The following PHACTR1 variants were observed in gnomAD, a reference collection of about 807,000 sequenced individuals.
PHACTR1 encodes the protein RPEL repeat containing 1.
In PHACTR1, 16 loss-of-function variants were observed where a neutral mutation model predicts 69.2. The ratio of observed to expected loss-of-function variants is 0.23; its 90% CI spans 0.16 to 0.35. The LOEUF is 0.35. PHACTR1 is among the 10% of genes least tolerant of loss of function. The pLI is 1.00. For synonymous variants in PHACTR1, 312 were observed against 284.5 expected (o/e 1.10, Z -0.97); for missense variants, 510 against 734.7 (o/e 0.69, Z 3.54).
At chr6:13,228,604 G>A (rs778786994) in intron 9 of PHACTR1, among the ~76,000 whole-genome samples, 1 of 152,178 alleles carries the variant, frequency 6.6e-6, no homozygotes, top group Non-Finnish European at 1.5e-5. Flanking sequence ...TTTTAGTTAC[G>A]TGAGTACAGC....
chr6:13,220,391 G>T (rs528580927), intron 8 of PHACTR1, among the ~76,000 whole-genome samples: 3 of 152,256 alleles, frequency 2.0e-5, no homozygotes, highest in African/African-American at 7.2e-5. Context: ...AAGGCCTTTG[G>T]TCTTTGTTTA....
rs962028827 is a variant in PHACTR1 at position 13,013,368 on chromosome 6, C to T, written c.251-39997C>T. Among the ~76,000 whole-genome samples, 4 of 152,218 alleles carry T rather than the reference C, an allele frequency of 2.6e-5. No homozygotes were observed. In the East Asian group the frequency reaches 5.8e-4, roughly 22 times the overall value. On this transcript the variant is annotated intron_variant, in intron 4 of 14. Coordinates refer to ENST00000332995, the MANE Select transcript of PHACTR1 (RefSeq NM_030948.6). ...GTCAAGGGCTACGGGTTGGACCCGC[C>T]GGAGAGGGTAATTTGCTGTGGCCCT... is the stretch of plus-strand genomic sequence containing the variant.
At chr6:12,973,751 C>T (rs1420792864) in intron 4 of PHACTR1, among the ~76,000 whole-genome samples, 22 of 152,110 alleles carry the variant, frequency 1.4e-4, no homozygotes, top group Non-Finnish European at 1.0e-4. Context: ...ATGAGACAGC[C>T]TTGACTGTTC....
intron 4 of PHACTR1, among the ~76,000 whole-genome samples, chr6:12,786,054 C>T (rs1561880974): frequency 6.6e-6 from 1 of 152,196 alleles, no homozygotes. Context: ...CGTTTTCTCC[C>T]TCTGCCCTTG....
intron 4 of PHACTR1, among the ~76,000 whole-genome samples, chr6:12,768,071 C>G (rs964551754): frequency 8.7e-5 from 13 of 149,772 alleles, no homozygotes; most frequent in Non-Finnish European, 1.6e-4. Flanking sequence ...AATAACATCT[C>G]TCTCTATGGG....
At chr6:13,045,223 C>T (rs758547777) in intron 4 of PHACTR1, among the ~76,000 whole-genome samples, 3 of 151,236 alleles carry the variant, frequency 2.0e-5, no homozygotes, top group Non-Finnish European at 4.4e-5. Context: ...TCAATTTCTC[C>T]AGCTCTAAAA....
intron 5 of PHACTR1, among the ~76,000 whole-genome samples, chr6:13,100,555 T>A (rs183384808): frequency 4.7e-4 from 71 of 152,286 alleles, no homozygotes; most frequent in Non-Finnish European, 8.7e-4. Flanking sequence ...CAGTTATTCC[T>A]CTCTTACCTT....
intron 5 of PHACTR1, among the ~76,000 whole-genome samples, chr6:13,064,604 ATCTATATATCTATC>A (rs1363922009): frequency 0.025 from 185 of 7,504 alleles, 39 homozygotes; most frequent in South Asian, 0.043. Context: ...ATATATATAT[ATCTATATATCTATC>A]TATCCACACT....
At chr6:12,891,518 C>G (rs1784171386) in intron 4 of PHACTR1, among the ~76,000 whole-genome samples, 1 of 152,164 alleles carries the variant, frequency 6.6e-6, no homozygotes, top group African/African-American at 2.4e-5. Context: ...TGACTCAAAG[C>G]CTCAAGATGG....
chr6:12,761,125 T>C lies in PHACTR1; in HGVS notation c.250+11335T>C, dbSNP rs114287035. Among the ~76,000 whole-genome samples, 338 of 152,356 alleles carry C rather than the reference T, an allele frequency of 2.2e-3. 1 individual carries two copies. The highest frequency in any genetic ancestry group is 7.8e-3 in the African/African-American group (326 of 41,588). On this transcript the variant is annotated intron_variant, in intron 4 of 14. Coordinates refer to ENST00000332995, the MANE Select transcript of PHACTR1 (RefSeq NM_030948.6). ...AACTTGTAACGTGTGGATAACACTT[T>C]CTGCCTAATTTTCATTGCTACTTTG...
chr6:13,189,843 T>C (rs1289762817), intron 7 of PHACTR1, among the ~76,000 whole-genome samples: 1 of 152,084 alleles, frequency 6.6e-6, no homozygotes, highest in Non-Finnish European at 1.5e-5. Context: ...AGAATGTAGA[T>C]TGGGTAGTTT....
intron 3 of PHACTR1, among the ~76,000 whole-genome samples, chr6:12,743,755 A>G (rs1200440669): frequency 6.6e-6 from 1 of 152,236 alleles, no homozygotes; most frequent in Non-Finnish European, 1.5e-5. Context: ...AACGAGACAG[A>G]AAGTTAACAA....
chr6:12,984,991 C>T (rs1401786694), intron 4 of PHACTR1, among the ~76,000 whole-genome samples: 1 of 152,234 alleles, frequency 6.6e-6, no homozygotes, highest in African/African-American at 2.4e-5. Context: ...GGAACTGCTT[C>T]TATACTTGGC....
rs79366849 is a variant in PHACTR1 at position 12,770,223 on chromosome 6, A to T, written c.250+20433A>T. On this transcript the variant is annotated intron_variant, in intron 4 of 14. Coordinates refer to ENST00000332995, the MANE Select transcript of PHACTR1 (RefSeq NM_030948.6). ...AGACTAGTACTCCAGGTATTAATAC[A>T]TCTGTTTTTACAACAGTCATCTATT... Among the ~76,000 whole-genome samples, 531 of 152,330 alleles carry T rather than the reference A, an allele frequency of 3.5e-3. 3 individuals are homozygous for T. Among genetic ancestry groups the T allele is most frequent in the African/African-American group, 0.011 (473 of 41,574 alleles).
At chr6:12,871,915 G>T (rs1782067533) in intron 4 of PHACTR1, among the ~76,000 whole-genome samples, 1 of 151,114 alleles carries the variant, frequency 6.6e-6, no homozygotes, top group South Asian at 2.1e-4. Context: ...TGGTTACCCT[G>T]AAATAGTTTG....
chr6:13,217,629 A>C (rs571294264), intron 8 of PHACTR1, among the ~76,000 whole-genome samples: 6 of 152,266 alleles, frequency 3.9e-5, no homozygotes, highest in South Asian at 2.1e-4. Flanking sequence ...GAAAAAAAAA[A>C]CTCAAAATAC....
intron 7 of PHACTR1, among the ~76,000 whole-genome samples, chr6:13,185,999 G>A (rs143235061): frequency 2.8e-4 from 43 of 152,290 alleles, no homozygotes; most frequent in African/African-American, 1.0e-3. Flanking sequence ...TGTTTCCAGA[G>A]CAGGCTGTCT....
chr6:12,816,070 T>G (rs1775547661), intron 4 of PHACTR1, among the ~76,000 whole-genome samples: 1 of 152,232 alleles, frequency 6.6e-6, no homozygotes, highest in Admixed American at 6.5e-5. Context: ...AAACAACAGT[T>G]GCACAATATT....
chr6:13,196,084 G>C (rs564819683), intron 7 of PHACTR1, among the ~76,000 whole-genome samples: 1 of 151,952 alleles, frequency 6.6e-6, no homozygotes, highest in Admixed American at 6.6e-5. Context: ...ATCTCAATCA[G>C]TCTAGCTGCA....
Sources: gnomAD v4.1 joint callset for allele counts (sites outside exome capture counted in the v4.1 genomes callset) on GRCh38, gnomAD v4.1.1 for gene constraint, MANE v1.5 for transcripts, NCBI Gene and HGNC (gene_info 2026-07-23, HGNC 2026-07-21) for gene names.